The following ZNF536 variants were observed in gnomAD, a reference collection of about 807,000 sequenced individuals.
The protein encoded by ZNF536 is zinc finger protein 536.
ZNF536 carries 13 observed loss-of-function variants against 84.5 expected under a neutral mutation model. The observed-to-expected ratio is 0.15, with a 90% confidence interval of 0.10 to 0.24. The LOEUF (loss-of-function observed/expected upper bound fraction) is 0.24. Ranked by LOEUF, ZNF536 falls within the 10% of genes least tolerant of loss-of-function variation. The pLI, the probability that ZNF536 is intolerant of heterozygous loss-of-function variation, is 1.00. For missense variants in ZNF536, 1,536 were observed against 1,747.5 expected (o/e 0.88, Z 2.16); for synonymous variants, 811 against 742.5 (o/e 1.09, Z -1.50).
chr19:30,501,711 T>A (rs2054955700), intron 2 of ZNF536, among the ~76,000 whole-genome samples: 1 of 152,304 alleles, frequency 6.6e-6, no homozygotes, highest in Middle Eastern at 3.4e-3. Flanking sequence ...TTGCAATAAT[T>A]ATTTATCTTG....
intron 1 of ZNF536, among the ~76,000 whole-genome samples, chr19:30,273,900 T>G (rs947720963): frequency 6.6e-6 from 1 of 152,252 alleles, no homozygotes; most frequent in Non-Finnish European, 1.5e-5. Flanking sequence ...TTAACACATA[T>G]GCATGCATAT....
Position 30,709,124 on chromosome 19 carries a change from G to A in ZNF536, c.170-1633G>A, listed in dbSNP as rs188762876. Among the ~76,000 whole-genome samples, 4 of 152,270 alleles carry A rather than the reference G, an allele frequency of 2.6e-5. No homozygotes were observed. The East Asian group carries it at 7.7e-4, about 29-fold the overall frequency. ...CCAGTTCCTCGAGATGGTAGAGTCTGTGCATGGCTGTGACGCATCAGGGTA... is the reference window on the plus strand; with the variant it reads ...CCAGTTCCTCGAGATGGTAGAGTCTATGCATGGCTGTGACGCATCAGGGTA... On this transcript the variant is annotated intron_variant, in intron 1 of 1. Coordinates refer to the ZNF536 transcript ENST00000592773.
At chr19:30,685,917 G>A (rs765951224) in intron 1 of ZNF536, among the ~76,000 whole-genome samples, 67 of 152,272 alleles carry the variant, frequency 4.4e-4, no homozygotes, top group Middle Eastern at 6.8e-3. Flanking sequence ...TTTGCGTGAG[G>A]CCATCTGTAT....
At chr19:30,529,138 C>T (rs970482732) in intron 2 of ZNF536, among the ~76,000 whole-genome samples, 3 of 152,070 alleles carry the variant, frequency 2.0e-5, no homozygotes, top group Non-Finnish European at 4.4e-5. Context: ...TGGAAAACAA[C>T]GCTATTTTAT....
rs772563038 is a variant in ZNF536 at position 30,443,707 on chromosome 19, G to A, written c.145G>A (p.Glu49Lys). ...CTCCCAGCTCAGCCATGCCTTCCCC[G>A]AGCTCCATCCCCGGCCCAACCCCGA... ...ITSQLSHAFPELHPRPNPEEK... is the reference protein window; with the variant it reads ...ITSQLSHAFPKLHPRPNPEEK... Residue 49 changes from glutamate (E) to lysine (K), a missense_variant, in exon 2 of 5, where the codon GAG becomes AAG. Physicochemically the swap from Glu to Lys is moderately conservative, Grantham distance 56. Coordinates refer to ENST00000355537, the MANE Select transcript of ZNF536 (RefSeq NM_014717.3). 1.2e-6 allele frequency: 2 copies of A among 1,613,710 alleles called. No homozygotes were observed. Among genetic ancestry groups the A allele is most frequent in the South Asian group, 1.1e-5 (1 of 91,012 alleles).
intron 3 of ZNF536, among the ~76,000 whole-genome samples, chr19:30,359,780 A>C (rs757448085): frequency 6.6e-6 from 1 of 152,158 alleles, no homozygotes; most frequent in Non-Finnish European, 1.5e-5. Flanking sequence ...TAGCTGATCC[A>C]CTGACTTTTC....
chr19:30,664,204 TTCTCTCTCTCTCTCTCTCTCTCTCTC>T (rs71173915), intron 1 of ZNF536, among the ~76,000 whole-genome samples: 32 of 90,740 alleles, frequency 3.5e-4, no homozygotes, highest in Non-Finnish European at 4.2e-4. Context: ...TTGCTGAGTT[TTCTCTCTCTCTCTCTCTCTCTCTCTC>T]TCTCTCTCTC....
intron 2 of ZNF536, among the ~76,000 whole-genome samples, chr19:30,526,296 G>A (rs2044572083): frequency 6.6e-6 from 1 of 152,244 alleles, no homozygotes; most frequent in Non-Finnish European, 1.5e-5. Context: ...ACCCCTTGGG[G>A]CCTTGGCAAG....
intron 1 of ZNF536, among the ~76,000 whole-genome samples, chr19:30,650,222 G>A (rs2049645867): frequency 6.6e-6 from 1 of 152,184 alleles, no homozygotes; most frequent in African/African-American, 2.4e-5. Flanking sequence ...TACTTCAAAG[G>A]GATGATCTGC....
intron 1 of ZNF536, among the ~76,000 whole-genome samples, chr19:30,673,812 G>A (rs2050653532): frequency 6.6e-6 from 1 of 152,204 alleles, no homozygotes; most frequent in Admixed American, 6.5e-5. Flanking sequence ...CCGACACACA[G>A]CCTTTTTCTC....
intron 1 of ZNF536, among the ~76,000 whole-genome samples, chr19:30,604,488 T>C (rs1021479553): frequency 6.6e-6 from 1 of 152,216 alleles, no homozygotes; most frequent in Admixed American, 6.5e-5. Flanking sequence ...AAAATCACAG[T>C]GTAGCCTTAA....
downstream of ZNF536, among the ~76,000 whole-genome samples, chr19:30,561,039 G>A (rs1220954955): frequency 1.3e-5 from 2 of 152,204 alleles, no homozygotes; most frequent in African/African-American, 4.8e-5. Context: ...TCTTTGTGGA[G>A]TTGTCCAGAC....
chr19:30,361,893 C>CCTTT (rs1364305923), intron 3 of ZNF536, among the ~76,000 whole-genome samples: 1 of 152,198 alleles, frequency 6.6e-6, no homozygotes, highest in Non-Finnish European at 1.5e-5. Flanking sequence ...TGACATAAGA[C>CCTTT]AAAGGCTCCT....
At chr19:30,600,737 C>T (rs1455168620) in intron 1 of ZNF536, among the ~76,000 whole-genome samples, 1 of 152,140 alleles carries the variant, frequency 6.6e-6, no homozygotes, top group Non-Finnish European at 1.5e-5. Flanking sequence ...GCGTGTGTGC[C>T]CCATTCTGTG....
At chr19:30,583,952 C>G (rs755898054) in intron 1 of ZNF536, among the ~76,000 whole-genome samples, 2 of 152,162 alleles carry the variant, frequency 1.3e-5, no homozygotes, top group Non-Finnish European at 2.9e-5. Context: ...AAGTGGTTCT[C>G]TCACTCAGGG....
intron 2 of ZNF536, among the ~76,000 whole-genome samples, chr19:30,470,293 CTT>C (rs2053579445): frequency 6.6e-6 from 1 of 152,138 alleles, no homozygotes; most frequent in Non-Finnish European, 1.5e-5. Context: ...TCCAAATCTT[CTT>C]ATACTCCATG....
intron 1 of ZNF536, among the ~76,000 whole-genome samples, chr19:30,583,939 A>C (rs1322046512): frequency 3.3e-5 from 5 of 152,286 alleles, no homozygotes; most frequent in African/African-American, 1.2e-4. Context: ...CTGGACACTG[A>C]GAAAGTGGTT....
chr19:30,394,131 C>T (rs1321340589), intron 1 of ZNF536, among the ~76,000 whole-genome samples: 2 of 152,120 alleles, frequency 1.3e-5, no homozygotes, highest in African/African-American at 2.4e-5. Flanking sequence ...CACTGGAGGC[C>T]ACAAGACCTG....
Position 30,652,975 on chromosome 19 carries a change from T to C in ZNF536, c.170-57782T>C, listed in dbSNP as rs550307297. Among the ~76,000 whole-genome samples, 106 of 152,282 alleles carry C rather than the reference T, an allele frequency of 7.0e-4. 2 individuals are homozygous for C. In the South Asian group the frequency reaches 0.02, roughly 29 times the overall value. On this transcript the variant is annotated intron_variant, in intron 1 of 1. Transcript: ENST00000592773. ...GTGACAGTGCTGCATCCACTCTCGA[T>C]GCCCCGTCAGAATCCAGGATCCTCC...
Sources: allele counts gnomAD v4.1 joint callset (sites outside exome capture counted in the v4.1 genomes callset), GRCh38; gene constraint gnomAD v4.1.1; transcripts MANE v1.5; gene names NCBI Gene and HGNC (gene_info 2026-07-23, HGNC 2026-07-21).